Variants in DPYD observed in about 807,000 individuals in gnomAD.
DPYD encodes the protein dihydropyrimidine dehydrogenase [NADP(+)].
DPYD carries 109 observed loss-of-function variants against 116.2 expected under a neutral mutation model. The observed-to-expected ratio is 0.94, with a 90% confidence interval of 0.80 to 1.10. The LOEUF (loss-of-function observed/expected upper bound fraction) is 1.10, where lower values mean the gene tolerates loss of function less well. DPYD is among the 50% of genes least tolerant of loss of function. DPYD has a pLI of 0.00. For missense variants in DPYD, 1,302 were observed against 1,254.5 expected (o/e 1.04, Z -0.57); for synonymous variants, 440 against 432.0 (o/e 1.02, Z -0.23).
intron 20 of DPYD, among the ~76,000 whole-genome samples, chr1:97,136,674 G>A (rs1254085484): frequency 6.6e-6 from 1 of 152,084 alleles, no homozygotes; most frequent in African/African-American, 2.4e-5. Flanking sequence ...GAATCCAAGG[G>A]AGAATCACGT....
chr1:97,665,785 T>C (rs1659523087), intron 8 of DPYD, among the ~76,000 whole-genome samples: 1 of 152,336 alleles, frequency 6.6e-6, no homozygotes, highest in Admixed American at 6.5e-5. Context: ...ATGATGAATA[T>C]GCTTGCATAA....
chr1:97,227,370 AAAG>A (rs960544716), intron 19 of DPYD, among the ~76,000 whole-genome samples: 17 of 149,074 alleles, frequency 1.1e-4, no homozygotes, highest in African/African-American at 3.2e-4. Context: ...AAGAAAGAAA[AAAG>A]AAAGAAAGAA....
At position 97,560,619 on chromosome 1, in the gene DPYD, G is replaced by A. The variant is rs146512228; in HGVS notation, c.1340-10875C>T. ...TGTATTACATCCTGCTGCAGGCACC[G>A]TAGTAAACCACAGATAAGAGACCCA... On this transcript the variant is annotated intron_variant, in intron 11 of 22. Coordinates refer to ENST00000370192, the MANE Select transcript of DPYD (RefSeq NM_000110.4). Among the ~76,000 whole-genome samples, 44 of 151,236 alleles carry A rather than the reference G, an allele frequency of 2.9e-4. No homozygotes were observed. In the East Asian group the frequency reaches 5.6e-3, roughly 19 times the overall value.
At chr1:97,342,992 G>A (rs1183670734) in intron 16 of DPYD, among the ~76,000 whole-genome samples, 2 of 151,294 alleles carry the variant, frequency 1.3e-5, no homozygotes, top group East Asian at 1.9e-4. Context: ...AATTTCAGGA[G>A]AGGAAAAAAA....
intron 20 of DPYD, among the ~76,000 whole-genome samples, chr1:97,135,050 A>G (rs1570524447): frequency 6.6e-6 from 1 of 152,108 alleles, no homozygotes; most frequent in African/African-American, 2.4e-5. Context: ...AGCCTAAAAG[A>G]CAGCTTAATC....
chr1:97,436,520 G>A (rs1675481279), intron 14 of DPYD, among the ~76,000 whole-genome samples: 2 of 151,740 alleles, frequency 1.3e-5, no homozygotes, highest in African/African-American at 4.8e-5. Context: ...CTTCCAATGT[G>A]GAAAGACAAT....
intron 16 of DPYD, among the ~76,000 whole-genome samples, chr1:97,361,021 C>G (rs1670695061): frequency 6.6e-6 from 1 of 151,794 alleles, no homozygotes; most frequent in African/African-American, 2.4e-5. Flanking sequence ...CAGGATCTGG[C>G]TTTTTGAAAA....
intron 20 of DPYD, among the ~76,000 whole-genome samples, chr1:97,114,366 C>T (rs1374407299): frequency 6.6e-6 from 1 of 152,054 alleles, no homozygotes; most frequent in South Asian, 2.1e-4. Context: ...AGACTATGTA[C>T]ATTATATATT....
intron 9 of DPYD, among the ~76,000 whole-genome samples, chr1:97,594,723 T>C (rs1353370041): frequency 6.6e-6 from 1 of 152,110 alleles, no homozygotes; most frequent in Middle Eastern, 3.2e-3. Flanking sequence ...ATACAAATCA[T>C]ATAAGATATG....
At chr1:97,394,464 CA>C (rs1307304874) in intron 14 of DPYD, 2 of 152,006 alleles carry the variant, frequency 1.3e-5, no homozygotes, top group East Asian at 3.9e-4. Context: ...AGTCAGAACA[CA>C]CACAGTATTT....
intron 18 of DPYD, among the ~76,000 whole-genome samples, chr1:97,271,681 T>C (rs7527272): frequency 0.24 from 36,285 of 152,148 alleles, 4,432 homozygotes; most frequent in Middle Eastern, 0.28. Context: ...GGCATAAATA[T>C]ATAGATCATT....
intron 13 of DPYD, among the ~76,000 whole-genome samples, chr1:97,497,646 T>A (rs1455420707): frequency 6.6e-6 from 1 of 151,850 alleles, no homozygotes; most frequent in Admixed American, 6.6e-5. Context: ...ATACCCACTA[T>A]GAAGTTTATA....
intron 16 of DPYD, among the ~76,000 whole-genome samples, chr1:97,361,514 T>A (rs1670724066): frequency 6.6e-6 from 1 of 152,116 alleles, no homozygotes; most frequent in Admixed American, 6.6e-5. Flanking sequence ...AAGAGAATTT[T>A]AGACCAAAAA....
At chr1:97,609,321 C>T in intron 8 of DPYD, among the ~76,000 whole-genome samples, 1 of 152,068 alleles carries the variant, frequency 6.6e-6, no homozygotes, top group Admixed American at 6.6e-5. Context: ...ACAATCTAGA[C>T]TCTTTTGAAA....
intron 2 of DPYD, among the ~76,000 whole-genome samples, chr1:97,839,387 T>G (rs1169991159): frequency 6.6e-6 from 1 of 152,208 alleles, no homozygotes. Context: ...TCTATAGTTT[T>G]CCATGCTCAC....
intron 5 of DPYD, among the ~76,000 whole-genome samples, chr1:97,705,131 CT>C (rs201299040): frequency 2.4e-4 from 35 of 146,806 alleles, no homozygotes; most frequent in Admixed American, 7.5e-4. Flanking sequence ...AGCCTGAACT[CT>C]TTTTTTTTTT....
At chr1:97,287,787 T>C (rs4266934) in intron 18 of DPYD, among the ~76,000 whole-genome samples, 2 of 151,756 alleles carry the variant, frequency 1.3e-5, no homozygotes, top group African/African-American at 2.4e-5. Context: ...TCGGAAACTC[T>C]CAGTATTAGG....
At chr1:97,698,499 T>C (rs1661420174) in intron 6 of DPYD, among the ~76,000 whole-genome samples, 1 of 151,900 alleles carries the variant, frequency 6.6e-6, no homozygotes, top group Non-Finnish European at 1.5e-5. Context: ...ATTTATCCTC[T>C]GTGATTATTG....
At chr1:97,679,758 T>C (rs181967042) in intron 7 of DPYD, among the ~76,000 whole-genome samples, 1 of 152,048 alleles carries the variant, frequency 6.6e-6, no homozygotes, top group Non-Finnish European at 1.5e-5. Context: ...TCACCCCTAG[T>C]AAAAGTCACA....
Sources: allele counts gnomAD v4.1 joint callset (sites outside exome capture counted in the v4.1 genomes callset), GRCh38; gene constraint gnomAD v4.1.1; transcripts MANE v1.5; gene names NCBI Gene and HGNC (gene_info 2026-07-23, HGNC 2026-07-21).